Variants in CACNA2D3 observed in about 807,000 individuals in gnomAD.
CACNA2D3 encodes calcium voltage-gated channel auxiliary subunit alpha2delta 3, also known as voltage-dependent calcium channel subunit alpha-2/delta-3.
A neutral mutation model predicts 160.6 loss-of-function variants in CACNA2D3; 60 were observed. That is an observed-to-expected ratio of 0.37 (90% CI 0.30 to 0.46). CACNA2D3 has a LOEUF of 0.46. Ranked by LOEUF, CACNA2D3 falls within the 20% of genes least tolerant of loss-of-function variation. The pLI, the probability that CACNA2D3 is intolerant of heterozygous loss-of-function variation, is 1.00. For missense variants in CACNA2D3, 1,205 were observed against 1,365.0 expected (o/e 0.88, Z 1.85); for synonymous variants, 558 against 492.9 (o/e 1.13, Z -1.75).
At chr3:54,784,226 C>T (rs1008546334) in intron 13 of CACNA2D3, among the ~76,000 whole-genome samples, 2 of 152,142 alleles carry the variant, frequency 1.3e-5, no homozygotes, top group Non-Finnish European at 2.9e-5. Flanking sequence ...GAGAGGTAGA[C>T]CTCTGAACGG....
At chr3:54,276,848 C>G (rs538812183) in intron 2 of CACNA2D3, among the ~76,000 whole-genome samples, 1 of 152,216 alleles carries the variant, frequency 6.6e-6, no homozygotes, top group Non-Finnish European at 1.5e-5. Context: ...TAGAGCTACA[C>G]CCTGAGGCAG....
intron 35 of CACNA2D3, among the ~76,000 whole-genome samples, chr3:55,065,572 G>A (rs1054694744): frequency 6.6e-6 from 1 of 152,054 alleles, no homozygotes; most frequent in African/African-American, 2.4e-5. Context: ...GAGACTGAGT[G>A]GGAAGGATTG....
intron 21 of CACNA2D3, among the ~76,000 whole-genome samples, chr3:54,882,382 C>G (rs1347204193): frequency 6.6e-6 from 1 of 152,196 alleles, no homozygotes; most frequent in Non-Finnish European, 1.5e-5. Context: ...CTCTCTCTCT[C>G]TCTCTCACAC....
intron 21 of CACNA2D3, among the ~76,000 whole-genome samples, chr3:54,884,539 C>T (rs974145443): frequency 1.3e-5 from 2 of 152,192 alleles, no homozygotes; most frequent in African/African-American, 2.4e-5. Context: ...TGGGAGTTCC[C>T]GAGGTCATCA....
intron 17 of CACNA2D3, among the ~76,000 whole-genome samples, chr3:54,869,262 T>C (rs558947270): frequency 2.3e-4 from 35 of 152,326 alleles, no homozygotes; most frequent in Admixed American, 8.5e-4. Flanking sequence ...TCCTCTACCA[T>C]ACAAGCTATG....
At chr3:54,328,304 G>T (rs773140022) in intron 3 of CACNA2D3, among the ~76,000 whole-genome samples, 1 of 152,016 alleles carries the variant, frequency 6.6e-6, no homozygotes, top group African/African-American at 2.4e-5. Context: ...GTTTTGAGAC[G>T]CAGTTTCACT....
At chr3:54,790,146 G>A (rs994754845) in intron 13 of CACNA2D3, among the ~76,000 whole-genome samples, 1 of 152,168 alleles carries the variant, frequency 6.6e-6, no homozygotes, top group African/African-American at 2.4e-5. Context: ...TCAAATGCTT[G>A]CTTTGCCACT....
chr3:54,571,345 C>T lies in CACNA2D3; in HGVS notation c.888+1241C>T, dbSNP rs375819852. On this transcript the variant is annotated intron_variant, in intron 8 of 37. Coordinates refer to ENST00000474759, the MANE Select transcript of CACNA2D3 (RefSeq NM_018398.3). ...CCGGAGAGGTGTAAGGAGGCATGTT[C>T]GACCCCCATTTCCCATCACGGCCTG... Among the ~76,000 whole-genome samples the T allele has an allele frequency of 4.6e-5, 7 of 152,152 alleles. No individual in the cohort carries two copies. The South Asian group carries it at 8.3e-4, about 18-fold the overall frequency.
intron 4 of CACNA2D3, among the ~76,000 whole-genome samples, chr3:54,394,373 G>T (rs1325668469): frequency 1.4e-5 from 2 of 147,722 alleles, no homozygotes; most frequent in African/African-American, 5.1e-5. Flanking sequence ...TGCACATTGT[G>T]CAGGTTACAT....
chr3:54,344,809 C>G (rs2107528191), intron 3 of CACNA2D3, among the ~76,000 whole-genome samples: 1 of 152,296 alleles, frequency 6.6e-6, no homozygotes, highest in South Asian at 2.1e-4. Context: ...GGGCTGCATT[C>G]CTAGACGGCT....
chr3:54,584,525 A>G (rs1363203587), intron 9 of CACNA2D3, among the ~76,000 whole-genome samples: 2 of 152,160 alleles, frequency 1.3e-5, no homozygotes, highest in African/African-American at 4.8e-5. Flanking sequence ...GAACAGTCTC[A>G]GGGACTTGAG....
chr3:54,628,220 C>T (rs372184232), intron 10 of CACNA2D3, among the ~76,000 whole-genome samples: 4 of 151,222 alleles, frequency 2.6e-5, no homozygotes, highest in South Asian at 4.2e-4. Flanking sequence ...AGCGAGACTC[C>T]GTCTCAAAAA....
At chr3:54,368,997 G>T (rs186437515) in intron 3 of CACNA2D3, among the ~76,000 whole-genome samples, 1 of 151,828 alleles carries the variant, frequency 6.6e-6, no homozygotes, top group African/African-American at 2.4e-5. Flanking sequence ...CACTGCGTCC[G>T]GCCGGCAGTA....
chr3:54,981,859 A>C (rs994243007), intron 29 of CACNA2D3, among the ~76,000 whole-genome samples: 1 of 152,226 alleles, frequency 6.6e-6, no homozygotes, highest in Non-Finnish European at 1.5e-5. Context: ...AGGAGTTTCA[A>C]CTTGTTGCCT....
intron 14 of CACNA2D3, 73 bp from the exon 15 acceptor site, chr3:54,837,086 T>C: frequency 7.7e-7 from 1 of 1,306,506 alleles, no homozygotes; most frequent in Non-Finnish European, 1.1e-6. Context: ...AGGACATGAT[T>C]GTCAAGGGGG....
At chr3:54,407,736 T>C (rs1171431740) in intron 4 of CACNA2D3, among the ~76,000 whole-genome samples, 1 of 152,132 alleles carries the variant, frequency 6.6e-6, no homozygotes. Flanking sequence ...TGACTATTGG[T>C]CAAATGAGAG....
At chr3:54,176,136 G>C (rs1394419159) in intron 2 of CACNA2D3, among the ~76,000 whole-genome samples, 2 of 152,112 alleles carry the variant, frequency 1.3e-5, no homozygotes, top group Non-Finnish European at 2.9e-5. Flanking sequence ...TGTATTTTGG[G>C]GTGTCAGTTT....
intron 11 of CACNA2D3, among the ~76,000 whole-genome samples, chr3:54,670,314 C>G (rs1226399963): frequency 6.6e-6 from 1 of 152,198 alleles, no homozygotes; most frequent in Non-Finnish European, 1.5e-5. Flanking sequence ...CGTGTGCTGG[C>G]AAGGCGTTTC....
At chr3:54,586,875 A>G (rs1851049) in intron 9 of CACNA2D3, among the ~76,000 whole-genome samples, 15,339 of 151,966 alleles carry the variant, frequency 0.1, 2,562 homozygotes, top group African/African-American at 0.35. Flanking sequence ...CAGCAGAAAA[A>G]TCCCCAGACA....
Sources: allele counts gnomAD v4.1 joint callset (sites outside exome capture counted in the v4.1 genomes callset), GRCh38; gene constraint gnomAD v4.1.1; transcripts MANE v1.5; gene names NCBI Gene and HGNC (gene_info 2026-07-23, HGNC 2026-07-21).